SLC6A4: variants seen among roughly 807,000 people sequenced by gnomAD.
SLC6A4 encodes solute carrier family 6 member 4, also known as sodium-dependent serotonin transporter.
SLC6A4 carries 22 observed loss-of-function variants against 73.4 expected under a neutral mutation model. The ratio of observed to expected loss-of-function variants is 0.30; its 90% CI spans 0.21 to 0.43. The LOEUF is 0.43. Ranked by LOEUF, SLC6A4 falls within the 20% of genes least tolerant of loss-of-function variation. The pLI is 1.00. For synonymous variants in SLC6A4, 270 were observed against 315.5 expected (o/e 0.86, Z 1.53); for missense variants, 593 against 808.5 (o/e 0.73, Z 3.23).
rs1411304721 is a variant in SLC6A4 at position 30,211,956 on chromosome 17, G to T, written c.1205-532C>A. On this transcript the variant is annotated intron_variant, in intron 9 of 14. Transcript: ENST00000650711. This position sits in a 1 kb window ranked among gnomAD's most constrained non-coding sequence, Gnocchi z 4.0. ...AGCCTCTCATGGGTTAGCTAGGGGT[G>T]CCCTCGTTTGGGGTATGGGGTTGGT... is the stretch of plus-strand genomic sequence containing the variant. Among the ~76,000 whole-genome samples, 1 of 152,144 alleles carries T rather than the reference G, an allele frequency of 6.6e-6. No homozygotes were observed. Among genetic ancestry groups the T allele is most frequent in the Non-Finnish European group, 1.5e-5 (1 of 68,026 alleles).
intron 1 of SLC6A4, among the ~76,000 whole-genome samples, chr17:30,224,832 GAGGGCAACGTGTGTTCTC>G (rs1906882434): frequency 6.6e-6 from 1 of 152,080 alleles, no homozygotes; most frequent in Non-Finnish European, 1.5e-5. Flanking sequence ...GTAGATTTTT[GAGGGCAACGTGTGTTCTC>G]AGGAGTCCTC....
rs144083195 is a variant in SLC6A4, at chr17:30,205,729, G to A, written c.1650+2003C>T. Among the ~76,000 whole-genome samples, 395 of 152,266 alleles carry A rather than the reference G, an allele frequency of 2.6e-3. 1 individual carries two copies. The highest frequency in any genetic ancestry group is 6.7e-3 in the Admixed American group (102 of 15,292). On this transcript the variant is annotated intron_variant, in intron 13 of 14. Transcript: ENST00000650711. The stretch of plus-strand genomic sequence containing the variant: ...TGATTTTGGAAACCTCCAGGGTCTG[G>A]GGGAAAGGAAGTCAAAGAGGAATTC...
At chr17:30,206,179 A>C (rs1906187660) in intron 13 of SLC6A4, 1 of 148,748 alleles carries the variant, frequency 6.7e-6, no homozygotes, top group Non-Finnish European at 1.5e-5. Flanking sequence ...TAGCCCATAT[A>C]CTCCTAATAG....
At chr17:30,205,158 T>A (rs1421216938) in intron 13 of SLC6A4, among the ~76,000 whole-genome samples, 7 of 152,330 alleles carry the variant, frequency 4.6e-5, no homozygotes, top group African/African-American at 1.7e-4. Flanking sequence ...TTGTTAATCA[T>A]GGATCTTTTT....
chr17:30,217,126 C>A (rs1349717284), intron 6 of SLC6A4, 40 bp downstream of exon 6: 1 of 1,595,470 alleles, frequency 6.3e-7, no homozygotes, highest in African/African-American at 1.3e-5. Flanking sequence ...GCCTGTGGGC[C>A]CCTGGGCAGG....
At chr17:30,219,729 A>G (rs764733496) in intron 3 of SLC6A4, among the ~76,000 whole-genome samples, 4 of 152,214 alleles carry the variant, frequency 2.6e-5, no homozygotes, top group Non-Finnish European at 4.4e-5. Flanking sequence ...GAATTTAAAA[A>G]TACCAAGTTG....
At chr17:30,222,213 C>T (rs772902340) in intron 2 of SLC6A4, 132 bp from the exon 3 acceptor site, 18 of 572,512 alleles carry the variant, frequency 3.1e-5, no homozygotes, top group Non-Finnish European at 4.3e-5. Flanking sequence ...GTGAGACATC[C>T]TATTTGCTAC....
intron 3 of SLC6A4, among the ~76,000 whole-genome samples, chr17:30,220,806 G>A (rs1906722206): frequency 6.6e-6 from 1 of 152,070 alleles, no homozygotes; most frequent in Non-Finnish European, 1.5e-5. Context: ...GGCTGGGGGA[G>A]GACAGAGCCT....
chr17:30,218,046 C>G, intron 5 of SLC6A4, 72 bp downstream of exon 5: 1 of 1,273,148 alleles, frequency 7.9e-7, no homozygotes, highest in Non-Finnish European at 1.1e-6. Flanking sequence ...CCCTGGCCTT[C>G]TTTTTAAGAA....
intron 13 of SLC6A4, chr17:30,204,453 G>A (rs56316637): frequency 6.6e-6 from 1 of 152,002 alleles, no homozygotes; most frequent in Admixed American, 6.5e-5. Context: ...CATCCCCAGA[G>A]CCGGCTATGA....
rs553931054 is a variant in SLC6A4, at chr17:30,229,091, G to A, written c.-220-6176C>T. ...CCTGTCCCTCCCTGCCTCACCCATCGGGAAGATTGGCTGTGCATCTTGTGG... is the reference window on the plus strand; with the variant it reads ...CCTGTCCCTCCCTGCCTCACCCATCAGGAAGATTGGCTGTGCATCTTGTGG... On this transcript the variant is annotated intron_variant, in intron 1 of 14. Coordinates refer to ENST00000650711, the MANE Select transcript of SLC6A4 (RefSeq NM_001045.6). Among the ~76,000 whole-genome samples the A allele has an allele frequency of 4.6e-5, 7 of 152,288 alleles. No individual in the cohort carries two copies. The South Asian group carries it at 8.3e-4, about 18-fold the overall frequency.
chr17:30,217,992 C>T (rs1190141399), intron 5 of SLC6A4, 126 bp downstream of exon 5: 2 of 711,822 alleles, frequency 2.8e-6, no homozygotes, highest in East Asian at 2.7e-5. Flanking sequence ...GCTACTCCCA[C>T]CCCTGATAGC....
intron 5 of SLC6A4, among the ~76,000 whole-genome samples, 167 bp downstream of exon 5, chr17:30,217,951 C>G (rs1906632523): frequency 6.6e-6 from 1 of 152,178 alleles, no homozygotes; most frequent in African/African-American, 2.4e-5. Flanking sequence ...CCGTGGAGCA[C>G]TTGAGGTAGA....
In SLC6A4 at chr17:30,207,835, G is replaced by A. The variant is rs373556654; in HGVS notation, c.1550-3C>T. ...GTCCCTGCAGAACTGAGTGATGCCT[G>A]GAACCGCCCAAGGGGAAGAGAGGCA... On this transcript the variant is annotated splice_polypyrimidine_tract_variant and splice_region_variant and intron_variant, in intron 12 of 14. Transcript: ENST00000650711. The A allele has an allele frequency of 1.9e-6, 3 of 1,611,602 alleles. No homozygotes were observed. The highest frequency in any genetic ancestry group is 2.5e-6 in the Non-Finnish European group (3 of 1,177,970).
At chr17:30,199,198 G>A (rs973057041) in intron 14 of SLC6A4, among the ~76,000 whole-genome samples, 16 of 152,042 alleles carry the variant, frequency 1.1e-4, no homozygotes, top group Non-Finnish European at 2.2e-4. Flanking sequence ...AAACAGCTGA[G>A]GTACACAGAA....
intron 1 of SLC6A4, among the ~76,000 whole-genome samples, chr17:30,234,703 G>A (rs906557906): frequency 4.6e-5 from 7 of 152,218 alleles, no homozygotes; most frequent in African/African-American, 1.7e-4. Context: ...TATGATGAGA[G>A]TTAGCTAGCA....
Position 30,235,022 on chromosome 17 carries a change from T to C in SLC6A4, c.-221+591A>G, listed in dbSNP as rs1202812437. On this transcript the variant is annotated intron_variant, in intron 1 of 14. Coordinates refer to ENST00000650711, the MANE Select transcript of SLC6A4 (RefSeq NM_001045.6). The surrounding 1 kb of genome is among the most constrained non-coding windows in gnomAD (Gnocchi z 4.5). ...CAACCACGTAGCACAGTCGTTGGAG[T>C]TGGAGTTTCACATACATTCTGAATG... 6.6e-6 allele frequency among the ~76,000 whole-genome samples: 1 copy of C among 151,920 alleles called. No homozygotes were observed. Among genetic ancestry groups the C allele is most frequent in the Non-Finnish European group, 1.5e-5 (1 of 67,980 alleles).
At chr17:30,209,665 T>C (rs1390147039) in intron 11 of SLC6A4, among the ~76,000 whole-genome samples, 1 of 149,572 alleles carries the variant, frequency 6.7e-6, no homozygotes, top group Non-Finnish European at 1.5e-5. Context: ...AAAAAGAAAC[T>C]GTTTCTTGGA....
At position 30,221,895 on chromosome 17, in the gene SLC6A4, GACAATCTTCT is replaced by G; in HGVS notation, c.54_63del (p.Glu19ArgfsTer49). The stretch of plus-strand genomic sequence containing the variant: ...ACCTTCTGTAGAACTCCGTTTTCCT[GACAATCTTCT>G]CCATCTTCACACGCTGATAGCTGCT... On this transcript the variant is annotated frameshift_variant, in exon 3 of 15. Coordinates refer to ENST00000650711, the MANE Select transcript of SLC6A4 (RefSeq NM_001045.6). LOFTEE classifies it high-confidence loss of function. 1 of 1,614,124 alleles carries G rather than the reference GACAATCTTCT, an allele frequency of 6.2e-7. No homozygotes were observed. The highest frequency in any genetic ancestry group is 8.5e-7 in the Non-Finnish European group (1 of 1,180,032).
Sources: allele counts gnomAD v4.1 joint callset (sites outside exome capture counted in the v4.1 genomes callset), GRCh38; gene constraint gnomAD v4.1.1; non-coding constraint Gnocchi (gnomAD v3.1); transcripts MANE v1.5; gene names NCBI Gene and HGNC (gene_info 2026-07-23, HGNC 2026-07-21).